PAQR8: variants seen among roughly 807,000 people sequenced by gnomAD.
PAQR8 encodes membrane progestin receptor beta.
In PAQR8, 17 loss-of-function variants were observed where a neutral mutation model predicts 25.2. That is an observed-to-expected ratio of 0.67 (90% CI 0.46 to 1.01). PAQR8 has a LOEUF of 1.01. Among genes scored for constraint, PAQR8 ranks in the 50% least tolerant of loss-of-function variants. The pLI, the probability that PAQR8 is intolerant of heterozygous loss-of-function variation, is 0.00. For missense variants in PAQR8, 392 were observed against 448.4 expected (o/e 0.87, Z 1.14); for synonymous variants, 204 against 190.6 (o/e 1.07, Z -0.58).
chr6:52,399,293 A>G (rs1248594624), intron 1 of PAQR8, among the ~76,000 whole-genome samples: 1 of 152,222 alleles, frequency 6.6e-6, no homozygotes, highest in East Asian at 1.9e-4. Flanking sequence ...GAACTGTCAG[A>G]GCTCTGCAGT....
rs61001949 is a variant in PAQR8 at position 52,372,733 on chromosome 6, CATAT to C, written c.-53+10499_-53+10502del. 1.5e-3 allele frequency among the ~76,000 whole-genome samples: 225 copies of C among 145,300 alleles called. 1 individual carries two copies. The highest frequency in any genetic ancestry group is 4.7e-3 in the African/African-American group (185 of 39,606). ...GTAATTATTAGCTCATGGCCAACTC[CATAT>C]ATATATATATATATGGATATATATA... On this transcript the variant is annotated intron_variant, in intron 1 of 1. Transcript: ENST00000442253.
At position 52,405,290 on chromosome 6, in the gene PAQR8, C is replaced by T. The variant is rs895043043; in HGVS notation, c.*1012C>T. 8 of 167,228 alleles carry T rather than the reference C, an allele frequency of 4.8e-5. No homozygotes were observed. Among genetic ancestry groups the T allele is most frequent in the East Asian group, 3.9e-4 (2 of 5,192 alleles). The allele number at this position is 167,228 out of a possible 1,614,324, so 10.4% of individuals were successfully genotyped here. On this transcript the variant is annotated 3_prime_UTR_variant, in exon 2 of 2. Transcript: ENST00000442253. ...TCAAGAGGAACCCAAAGTCCAGCCT[C>T]CTACATAGATGCTGCCCCACGAAGG...
At chr6:52,398,612 G>A (rs1489817647) in intron 1 of PAQR8, among the ~76,000 whole-genome samples, 3 of 151,894 alleles carry the variant, frequency 2.0e-5, no homozygotes, top group African/African-American at 7.3e-5. Flanking sequence ...GGAGTGCAGT[G>A]GCACGATCTC....
At chr6:52,380,181 G>C (rs1763542552) in intron 1 of PAQR8, among the ~76,000 whole-genome samples, 1 of 152,232 alleles carries the variant, frequency 6.6e-6, no homozygotes, top group African/African-American at 2.4e-5. Flanking sequence ...AGGGAGAGTA[G>C]AAATGCGGTA....
chr6:52,371,304 G>GA lies in PAQR8; in HGVS notation c.-53+9056dup, dbSNP rs559791159. On this transcript the variant is annotated intron_variant, in intron 1 of 1. Coordinates refer to ENST00000442253, the MANE Select transcript of PAQR8 (RefSeq NM_133367.5). ...TTATTATATGCTCATCTTGTCCAGT[G>GA]ACCCTCTCAACAATATATGTACAGT... Among the ~76,000 whole-genome samples the GA allele has an allele frequency of 4.9e-3, 742 of 152,224 alleles. 14 individuals are homozygous for GA. Among genetic ancestry groups the GA allele is most frequent in the Non-Finnish European group, 6.2e-4 (42 of 68,026 alleles).
rs141832203 is a variant in PAQR8, at chr6:52,376,812, G to A, written c.-53+14563G>A. ...AAATCATCATTTGCTTGTTATTTGG[G>A]AATGCGAAAGTAATTGAATTCTCTG... On this transcript the variant is annotated intron_variant, in intron 1 of 1. Coordinates refer to ENST00000442253, the MANE Select transcript of PAQR8 (RefSeq NM_133367.5). Among the ~76,000 whole-genome samples the A allele has an allele frequency of 1.5e-3, 236 of 152,302 alleles. 1 individual carries two copies. The highest frequency in any genetic ancestry group is 5.6e-3 in the African/African-American group (231 of 41,560).
chr6:52,364,110 G>A lies in PAQR8; in HGVS notation c.-53+1861G>A, dbSNP rs1222215323. ...TTTTTTTTTTTTTTTTTTTGCGGGT[G>A]TGTGTATGCACCAGATTTCCTTCTG... On this transcript the variant is annotated intron_variant, in intron 1 of 1. Transcript: ENST00000442253. Among the ~76,000 whole-genome samples the A allele has an allele frequency of 1.8e-4, 8 of 44,942 alleles. No individual in the cohort carries two copies. In the Admixed American group the frequency reaches 2.5e-3, roughly 14 times the overall value. The allele number at this position is 44,942 out of a possible 152,430, so 29.5% of individuals were successfully genotyped here.
chr6:52,392,275 C>A (rs185699912), intron 1 of PAQR8, among the ~76,000 whole-genome samples: 1 of 150,166 alleles, frequency 6.7e-6, no homozygotes, highest in African/African-American at 2.5e-5. Flanking sequence ...ACCCAGGAGG[C>A]GGAGGTTACA....
intron 1 of PAQR8, among the ~76,000 whole-genome samples, chr6:52,389,752 C>G (rs1305674401): frequency 2.0e-5 from 3 of 152,202 alleles, no homozygotes; most frequent in Middle Eastern, 3.2e-3. Flanking sequence ...GCTCCAAACT[C>G]TAGCTCGATT....
intron 1 of PAQR8, among the ~76,000 whole-genome samples, chr6:52,372,736 AT>A (rs1240299224): frequency 6.4e-4 from 11 of 17,228 alleles, no homozygotes; most frequent in African/African-American, 9.0e-4. Context: ...CCAACTCCAT[AT>A]ATATATATAT....
intron 1 of PAQR8, among the ~76,000 whole-genome samples, chr6:52,371,809 T>A (rs148379135): frequency 1.3e-5 from 2 of 152,180 alleles, no homozygotes; most frequent in South Asian, 4.1e-4. Flanking sequence ...GAGGGAGATA[T>A]CCCAGTACAA....
At chr6:52,372,615 C>T (rs1159108508) in intron 1 of PAQR8, among the ~76,000 whole-genome samples, 1 of 152,028 alleles carries the variant, frequency 6.6e-6, no homozygotes, top group East Asian at 1.9e-4. Context: ...TTCTTTCTCT[C>T]TCTCTCTTAA....
intron 1 of PAQR8, among the ~76,000 whole-genome samples, chr6:52,378,393 C>T (rs745996261): frequency 1.3e-5 from 2 of 152,224 alleles, no homozygotes; most frequent in Non-Finnish European, 2.9e-5. Context: ...TGGTAGTGTT[C>T]ATTTGAGGTA....
At chr6:52,392,503 G>C (rs748583242) in intron 1 of PAQR8, among the ~76,000 whole-genome samples, 3 of 152,144 alleles carry the variant, frequency 2.0e-5, no homozygotes, top group Non-Finnish European at 4.4e-5. Context: ...TATTGCTTTG[G>C]AGTGCTTCTA....
intron 1 of PAQR8, among the ~76,000 whole-genome samples, chr6:52,375,097 AGAC>A (rs1171876097): frequency 7.9e-5 from 12 of 152,162 alleles, no homozygotes; most frequent in African/African-American, 2.2e-4. Flanking sequence ...GAAAAACAGT[AGAC>A]GACAAGTCAC....
intron 1 of PAQR8, among the ~76,000 whole-genome samples, chr6:52,391,511 C>T (rs1763709187): frequency 6.6e-6 from 1 of 152,198 alleles, no homozygotes; most frequent in Non-Finnish European, 1.5e-5. Flanking sequence ...AACAGGATTG[C>T]ACTGGTAGTG....
At chr6:52,374,581 T>C (rs185566291) in intron 1 of PAQR8, among the ~76,000 whole-genome samples, 3 of 152,258 alleles carry the variant, frequency 2.0e-5, no homozygotes, top group Admixed American at 2.0e-4. Flanking sequence ...GCCCAGCTAA[T>C]TTTTTGCAGG....
At chr6:52,392,629 A>T (rs1016734365) in intron 1 of PAQR8, among the ~76,000 whole-genome samples, 2 of 152,206 alleles carry the variant, frequency 1.3e-5, no homozygotes, top group African/African-American at 4.8e-5. Context: ...GTAGCTTGCT[A>T]TATGCATAGC....
At chr6:52,367,201 A>G (rs1763364030) in intron 1 of PAQR8, among the ~76,000 whole-genome samples, 1 of 152,180 alleles carries the variant, frequency 6.6e-6, no homozygotes. Context: ...AGATGCTGCT[A>G]ACCATCCTAA....
Sources: allele counts gnomAD v4.1 joint callset (sites outside exome capture counted in the v4.1 genomes callset), GRCh38; gene constraint gnomAD v4.1.1; transcripts MANE v1.5; gene names NCBI Gene and HGNC (gene_info 2026-07-23, HGNC 2026-07-21).